The following AGR2 variants were observed in gnomAD, a reference collection of about 807,000 sequenced individuals.
AGR2 encodes anterior gradient 2, protein disulphide isomerase family member, also known as anterior gradient protein 2 homolog.
Under a neutral mutation model 25.9 loss-of-function variants are expected in AGR2, and 27 were observed. The observed-to-expected ratio is 1.04, with a 90% CI of 0.77 to 1.44. AGR2 has a LOEUF of 1.44. Ranked by LOEUF, AGR2 falls within the 40% of genes most tolerant of loss-of-function variation. The pLI, the probability that AGR2 is intolerant of heterozygous loss-of-function variation, is 0.00. For missense variants in AGR2, 182 were observed against 200.9 expected (o/e 0.91, Z 0.57); for synonymous variants, 78 against 72.0 (o/e 1.08, Z -0.42).
At chr7:16,798,051 G>A (rs560814001) in intron 5 of AGR2, among the ~76,000 whole-genome samples, 37 of 152,314 alleles carry the variant, frequency 2.4e-4, no homozygotes, top group African/African-American at 8.9e-4. Context: ...GGATTTTCTT[G>A]AGTATTCATT....
rs771805129 is a variant in AGR2 at position 16,801,399 on chromosome 7, T to C, written c.140-16A>G. The C allele has an allele frequency of 1.1e-5, 18 of 1,609,146 alleles. No homozygotes were observed. The South Asian group carries it at 1.8e-4, about 16-fold the overall frequency. On this transcript the variant is annotated splice_polypyrimidine_tract_variant and intron_variant, in intron 2 of 7. Coordinates refer to ENST00000419304, the MANE Select transcript of AGR2 (RefSeq NM_006408.4). ...TCACCCCAACCTAGAATGAAATGAATCAGTATATTTGAAGCTTGTATAAAT... is the reference window on the plus strand; with the variant it reads ...TCACCCCAACCTAGAATGAAATGAACCAGTATATTTGAAGCTTGTATAAAT...
intron 6 of AGR2, among the ~76,000 whole-genome samples, chr7:16,796,860 T>A (rs959404860): frequency 1.3e-5 from 2 of 152,036 alleles, no homozygotes; most frequent in African/African-American, 4.8e-5. Flanking sequence ...GGGGAAAGCA[T>A]ATGAAAAGTA....
intron 6 of AGR2, among the ~76,000 whole-genome samples, chr7:16,795,512 G>C (rs1352625573): frequency 1.3e-5 from 2 of 152,036 alleles, no homozygotes; most frequent in Non-Finnish European, 2.9e-5. Flanking sequence ...GTTCAAATAA[G>C]CATATAGTAC....
intron 6 of AGR2, among the ~76,000 whole-genome samples, chr7:16,796,717 A>G (rs867164018): frequency 2.0e-5 from 3 of 152,322 alleles, no homozygotes; most frequent in Middle Eastern, 3.4e-3. Flanking sequence ...TTATTACATA[A>G]CCACCCCCAA....
intron 6 of AGR2, among the ~76,000 whole-genome samples, chr7:16,797,117 G>A (rs936032834): frequency 4.6e-5 from 7 of 151,898 alleles, no homozygotes; most frequent in African/African-American, 1.7e-4. Flanking sequence ...TAGTAGAGAT[G>A]GGGTTTCACC....
Position 16,799,774 on chromosome 7 carries a change from C to A in AGR2, c.300G>T (p.Leu100Phe). 6.2e-7 allele frequency: 1 copy of A among 1,613,212 alleles called. No individual in the cohort carries two copies. The highest frequency in any genetic ancestry group is 8.5e-7 in the Non-Finnish European group (1 of 1,179,556). ...VFAENKEIQKLAEQFVLLNLV... is the reference protein window; with the variant it reads ...VFAENKEIQKFAEQFVLLNLV... ...GATTGAGGAGGACAAACTGCTCTGC[C>A]AATTTCTGGATTTCTTTATTTTCAG... Residue 100 changes from leucine (L) to phenylalanine (F), a missense_variant, in exon 5 of 8, where the codon TTG (leucine) becomes TTT (phenylalanine). Leu to Phe is a conservative substitution (Grantham distance 22). Transcript: ENST00000419304.
At chr7:16,803,330 G>A (rs1466270274) in intron 1 of AGR2, 3 of 152,110 alleles carry the variant, frequency 2.0e-5, no homozygotes, top group Admixed American at 2.0e-4. Context: ...GGAGATTTGG[G>A]ATTCTGATAA....
intron 6 of AGR2, 125 bp downstream of exon 6, chr7:16,797,506 C>G: frequency 4.3e-6 from 3 of 690,978 alleles, no homozygotes; most frequent in Non-Finnish European, 7.4e-6. Context: ...GAATGTCATG[C>G]TCCTTGCTAG....
chr7:16,792,903 T>C lies in AGR2; in HGVS notation c.*5A>G. 1 of 1,613,518 alleles carries C rather than the reference T, an allele frequency of 6.2e-7. No individual in the cohort carries two copies. On this transcript the variant is annotated 3_prime_UTR_variant, in exon 8 of 8. Coordinates refer to ENST00000419304, the MANE Select transcript of AGR2 (RefSeq NM_006408.4). ...CAGACAGAAGGGCTTGGAGATTTTT[T>C]TTCTTTACAATTCAGTCTTCAGCAA...
At chr7:16,795,275 G>A (rs370815925) in intron 6 of AGR2, among the ~76,000 whole-genome samples, 6 of 151,344 alleles carry the variant, frequency 4.0e-5, no homozygotes, top group African/African-American at 1.5e-4. Flanking sequence ...TCTATCTATG[G>A]CAACCTGAAA....
In AGR2 at chr7:16,794,950, G is replaced by A; in HGVS notation, c.464C>T (p.Ala155Val). ...YSNRLYAYEP[A>V]DTALLLDNMK... ...GTCACACTTACACAGAGCTGTATCT[G>A]CAGGTTCGTAAGCATAGAGACGATT... is the stretch of plus-strand genomic sequence containing the variant. The change falls in exon 7 of 8, where the codon GCA becomes GTA. Residue 155 changes from alanine (A) to valine (V), a missense_variant. Coordinates refer to ENST00000419304, the MANE Select transcript of AGR2 (RefSeq NM_006408.4). 1 of 1,614,150 alleles carries A rather than the reference G, an allele frequency of 6.2e-7. No individual in the cohort carries two copies. Among genetic ancestry groups the A allele is most frequent in the Non-Finnish European group, 8.5e-7 (1 of 1,179,990 alleles).
chr7:16,799,656 T>G lies in AGR2; in HGVS notation c.330+88A>C, dbSNP rs1785108628. 7.7e-6 allele frequency: 7 copies of G among 905,844 alleles called. No individual in the cohort carries two copies. In the Admixed American group the frequency reaches 1.5e-4, roughly 20 times the overall value. 56.1% of individuals were successfully genotyped at this position (905,844 alleles called of 1,614,324 possible). ...TTGGAAGCAATCCCAGTTAATGCAG[T>G]ATAACTAAGATGTATAGGAAAAATG... On this transcript the variant is annotated intron_variant, in intron 5 of 7. Transcript: ENST00000419304.
chr7:16,798,256 AC>A (rs1785081914), intron 5 of AGR2, among the ~76,000 whole-genome samples: 1 of 152,184 alleles, frequency 6.6e-6, no homozygotes, highest in South Asian at 2.1e-4. Flanking sequence ...TGCAGATTCC[AC>A]CCCGACTAGG....
At chr7:16,797,610 C>G (rs1434016208) in intron 6 of AGR2, 21 bp downstream of exon 6, 1 of 1,611,906 alleles carries the variant, frequency 6.2e-7, no homozygotes, top group Non-Finnish European at 8.5e-7. Context: ...TCCGAGTTAT[C>G]TCACTGTCAC....
At position 16,792,020 on chromosome 7, in the gene AGR2, T is replaced by C. The variant is rs1447350811; in HGVS notation, c.*888A>G. The C allele has an allele frequency of 6.6e-6, 1 of 152,222 alleles. No individual in the cohort carries two copies. Among genetic ancestry groups the C allele is most frequent in the Non-Finnish European group, 1.5e-5 (1 of 68,052 alleles). The allele number at this position is 152,222 out of a possible 1,614,324, so 9.4% of individuals were successfully genotyped here. On this transcript the variant is annotated 3_prime_UTR_variant, in exon 8 of 8. Transcript: ENST00000419304. ...ATTTCTGTTAGGCAGAATGCTCCCC[T>C]ACCCTGATGCCACAGCCTTTCACGT...
chr7:16,794,160 C>T (rs1043528233), intron 7 of AGR2, among the ~76,000 whole-genome samples: 1 of 152,196 alleles, frequency 6.6e-6, no homozygotes, highest in African/African-American at 2.4e-5. Flanking sequence ...ATAGAAATTT[C>T]TGTGATGATG....
At chr7:16,804,797 T>G (rs1292711671) in intron 1 of AGR2, 138 bp downstream of exon 1, 3 of 152,254 alleles carry the variant, frequency 2.0e-5, no homozygotes, top group African/African-American at 7.2e-5. Context: ...TTCCATGATT[T>G]CCCTTCCGTA....
At chr7:16,797,897 T>TGA (rs1049962328) in intron 5 of AGR2, among the ~76,000 whole-genome samples, 55 of 152,124 alleles carry the variant, frequency 3.6e-4, no homozygotes, top group African/African-American at 1.3e-3. Context: ...GATAAAGTGC[T>TGA]GAATGGATGT....
chr7:16,792,469 A>C lies in AGR2; in HGVS notation c.*439T>G, dbSNP rs1784979782. On this transcript the variant is annotated 3_prime_UTR_variant, in exon 8 of 8. Coordinates refer to ENST00000419304, the MANE Select transcript of AGR2 (RefSeq NM_006408.4). The stretch of plus-strand genomic sequence containing the variant: ...ACATGGCTTGATACTTCTGTTGATT[A>C]AGCTCGTGTCTACTTACAGTCATCT... 1 of 158,528 alleles carries C rather than the reference A, an allele frequency of 6.3e-6. No homozygotes were observed. Among genetic ancestry groups the C allele is most frequent in the South Asian group, 1.9e-4 (1 of 5,154 alleles). 9.8% of individuals were successfully genotyped at this position (158,528 alleles called of 1,614,324 possible). A position where few individuals can be genotyped will look rare whatever the true frequency, so the allele number is the denominator to read the frequency against.
Sources: gnomAD v4.1 joint callset for allele counts (sites outside exome capture counted in the v4.1 genomes callset) on GRCh38, gnomAD v4.1.1 for gene constraint, MANE v1.5 for transcripts, NCBI Gene and HGNC (gene_info 2026-07-23, HGNC 2026-07-21) for gene names.